ZNF346: variants seen among roughly 807,000 people sequenced by gnomAD.
ZNF346 encodes zinc finger protein 346.
In ZNF346, 23 loss-of-function variants were observed where a neutral mutation model predicts 33.7. That is an observed-to-expected ratio of 0.68 (90% CI 0.49 to 0.97). ZNF346 has a LOEUF of 0.97. Among genes scored for constraint, ZNF346 ranks in the 50% least tolerant of loss-of-function variants. The pLI is 0.00. For missense variants in ZNF346, 340 were observed against 371.1 expected (o/e 0.92, Z 0.69); for synonymous variants, 134 against 142.4 (o/e 0.94, Z 0.42).
At chr5:177,024,198 T>C (rs13190651) in intron 1 of ZNF346, among the ~76,000 whole-genome samples, 1 of 74,510 alleles carries the variant, frequency 1.3e-5, no homozygotes, top group Non-Finnish European at 2.4e-5. Context: ...GGGCCCTCTC[T>C]CCTTTTTTTT....
chr5:177,041,328 C>A, intron 2 of ZNF346, 99 bp downstream of exon 2: 1 of 989,506 alleles, frequency 1.0e-6, no homozygotes, highest in Non-Finnish European at 1.6e-6. Flanking sequence ...TGCTGCTTAG[C>A]CACCCAGATG....
intron 1 of ZNF346, among the ~76,000 whole-genome samples, chr5:177,033,308 G>T (rs946946475): frequency 6.6e-6 from 1 of 152,052 alleles, no homozygotes; most frequent in African/African-American, 2.4e-5. Context: ...CAAACTCCTG[G>T]CATCAAGCAA....
At position 177,077,470 on chromosome 5, in the gene ZNF346, CTT is replaced by C. The variant is rs1321892865; in HGVS notation, c.*3-1911_*3-1910del. On this transcript the variant is annotated intron_variant, in intron 8 of 8. Coordinates refer to the ZNF346 transcript ENST00000503039. The surrounding 1 kb of genome is among the most constrained non-coding windows in gnomAD (Gnocchi z 5.0). ...CGGGTGCACTCCAGCTCTTGGCCCT[CTT>C]GTTTCCTTTATTGCTGTCTTTCACA... Among the ~76,000 whole-genome samples, 1 of 152,174 alleles carries C rather than the reference CTT, an allele frequency of 6.6e-6. No homozygotes were observed. The highest frequency in any genetic ancestry group is 1.5e-5 in the Non-Finnish European group (1 of 68,032).
intron 8 of ZNF346, among the ~76,000 whole-genome samples, chr5:177,079,106 A>T (rs1326437955): frequency 2.0e-5 from 3 of 151,994 alleles, no homozygotes; most frequent in African/African-American, 7.3e-5. Flanking sequence ...CTCCGTCTCT[A>T]CTAAAAATAC....
At chr5:177,059,336 C>A (rs1362118649) in intron 5 of ZNF346, among the ~76,000 whole-genome samples, 3 of 152,190 alleles carry the variant, frequency 2.0e-5, no homozygotes, top group African/African-American at 7.2e-5. Context: ...CAATGTAGTT[C>A]TGTGTTGGAT....
At chr5:177,046,520 T>G (rs1780068167) in intron 4 of ZNF346, among the ~76,000 whole-genome samples, 1 of 152,206 alleles carries the variant, frequency 6.6e-6, no homozygotes, top group East Asian at 1.9e-4. Context: ...ATTTTACAGC[T>G]TAAGCACATT....
Position 177,041,836 on chromosome 5 carries a change from T to C in ZNF346, c.338T>C (p.Leu113Ser). 6.2e-7 allele frequency: 1 copy of C among 1,613,368 alleles called. No homozygotes were observed. The highest frequency in any genetic ancestry group is 8.5e-7 in the Non-Finnish European group (1 of 1,179,518). Residue 113 changes from leucine (L) to serine (S), a missense_variant, in exon 3 of 7, where the codon TTA (leucine) becomes TCA (serine). Coordinates refer to ENST00000358149, the MANE Select transcript of ZNF346 (RefSeq NM_012279.4). Reference sequence around the variant, plus strand: ...CTAGCAATCCATGGAATGGAGACATTAAAGGGGGAAACGAAGAAGCTAGAC... The same window carrying C: ...CTAGCAATCCATGGAATGGAGACATCAAAGGGGGAAACGAAGAAGCTAGAC... The part of the protein sequence containing the change: ...RYLAIHGMET[L>S]KGETKKLDSD...
At position 177,051,934 on chromosome 5, in the gene ZNF346, T is replaced by TAGG. The variant is rs1249533152; in HGVS notation, c.703+1003_703+1005dup. ...ATCCAAACACTTTGGGATGCCAAGG[T>TAGG]AGGAGGATCACTTGAGCCTAAGAGT... On this transcript the variant is annotated intron_variant, in intron 5 of 6. Coordinates refer to ENST00000358149, the MANE Select transcript of ZNF346 (RefSeq NM_012279.4). 5.3e-5 allele frequency: 8 copies of TAGG among 152,196 alleles called. No individual in the cohort carries two copies. The East Asian group carries it at 1.5e-3, about 29-fold the overall frequency. 9.4% of individuals were successfully genotyped at this position (152,196 alleles called of 1,614,324 possible).
intron 2 of ZNF346, 38 bp downstream of exon 2, chr5:177,041,267 G>A: frequency 3.3e-6 from 5 of 1,527,180 alleles, no homozygotes; most frequent in Non-Finnish European, 4.5e-6. Context: ...TTTCTTTTCA[G>A]ACCTGGTGCC....
At chr5:177,035,674 C>T (rs1280615699) in intron 1 of ZNF346, among the ~76,000 whole-genome samples, 3 of 138,350 alleles carry the variant, frequency 2.2e-5, no homozygotes, top group African/African-American at 8.0e-5. Flanking sequence ...TTCACTGTGT[C>T]GCGCAGGCTG....
chr5:177,064,786 G>C lies in ZNF346; in HGVS notation c.*187G>C, dbSNP rs1047684627. On this transcript the variant is annotated 3_prime_UTR_variant, in exon 7 of 7. Coordinates refer to ENST00000358149, the MANE Select transcript of ZNF346 (RefSeq NM_012279.4). ...ACTCCTGCTGCTCCCCTTTGGCAGG[G>C]GTCCTGTAGGTCATGACAGGGGAGG... 8.4e-6 allele frequency: 5 copies of C among 594,976 alleles called. No homozygotes were observed. The highest frequency in any genetic ancestry group is 1.2e-5 in the Non-Finnish European group (4 of 332,592). 36.9% of individuals were successfully genotyped at this position (594,976 alleles called of 1,614,324 possible).
chr5:177,050,804 C>T lies in ZNF346; in HGVS notation c.571C>T (p.His191Tyr). The part of the protein sequence containing the change: ...IDPDKFCSLC[H>Y]ATFNDPVMAQ... ...CCCAGACAAGTTCTGCAGCCTCTGC[C>T]ATGCAACTTTCAACGACCCTGTCAT... The change falls in exon 5 of 7, where the codon CAT becomes TAT. Residue 191 changes from histidine (H) to tyrosine (Y), a missense_variant. His to Tyr is a moderately conservative substitution (Grantham distance 83). Coordinates refer to ENST00000358149, the MANE Select transcript of ZNF346 (RefSeq NM_012279.4). 1 of 1,614,130 alleles carries T rather than the reference C, an allele frequency of 6.2e-7. No individual in the cohort carries two copies. Among genetic ancestry groups the T allele is most frequent in the Non-Finnish European group, 8.5e-7 (1 of 1,179,970 alleles).
intron 1 of ZNF346, among the ~76,000 whole-genome samples, chr5:177,028,530 A>G (rs1487352523): frequency 3.4e-5 from 4 of 117,798 alleles, no homozygotes; most frequent in African/African-American, 1.2e-4. Context: ...ATTTCCCTCC[A>G]TAGTTCCTGG....
At position 177,077,760 on chromosome 5, in the gene ZNF346, C is replaced by G. The variant is rs1200431643; in HGVS notation, c.*3-1622C>G. Among the ~76,000 whole-genome samples the G allele has an allele frequency of 6.6e-6, 1 of 152,098 alleles. No individual in the cohort carries two copies. Among genetic ancestry groups the G allele is most frequent in the African/African-American group, 2.4e-5 (1 of 41,412 alleles). On this transcript the variant is annotated intron_variant, in intron 8 of 8. Transcript: ENST00000503039. The surrounding 1 kb of genome is among the most constrained non-coding windows in gnomAD (Gnocchi z 5.0). ...CCGTGGACTGCTAGTAGGGGAGGAC[C>G]ACGACATCAAGAAAAGTTTGAGGGG...
intron 8 of ZNF346, among the ~76,000 whole-genome samples, chr5:177,078,495 G>A (rs1783855191): frequency 6.6e-6 from 1 of 152,210 alleles, no homozygotes; most frequent in Non-Finnish European, 1.5e-5. Context: ...AGTTAAGGGT[G>A]AGGAGTGGCA....
chr5:177,044,590 C>T (rs149307), intron 4 of ZNF346, 57 bp downstream of exon 4: 799,868 of 1,583,592 alleles, frequency 0.51, 206,410 homozygotes, highest in African/African-American at 0.81. Context: ...CAGGGCACTA[C>T]TGCCAGGGGC....
At chr5:177,046,908 G>GT (rs1427473325) in intron 4 of ZNF346, among the ~76,000 whole-genome samples, 6 of 148,530 alleles carry the variant, frequency 4.0e-5, no homozygotes, top group Non-Finnish European at 7.4e-5. Flanking sequence ...AAAGAAGAAA[G>GT]TAAAATATCA....
chr5:177,044,220 G>A, intron 3 of ZNF346, 169 bp from the exon 4 acceptor site: 1 of 679,930 alleles, frequency 1.5e-6, no homozygotes, highest in Non-Finnish European at 2.5e-6. Context: ...GTGGGGGATG[G>A]TGAGTAGAGT....
intron 1 of ZNF346, among the ~76,000 whole-genome samples, chr5:177,028,522 T>TATATATATATATATATATC (rs1777191865): frequency 4.3e-5 from 1 of 23,108 alleles, no homozygotes; most frequent in African/African-American, 2.6e-4. Flanking sequence ...ATATATATAT[T>TATATATATATATATATATC]TCCCTCCATA....
Sources: allele counts gnomAD v4.1 joint callset (sites outside exome capture counted in the v4.1 genomes callset), GRCh38; gene constraint gnomAD v4.1.1; non-coding constraint Gnocchi (gnomAD v3.1); transcripts MANE v1.5; gene names NCBI Gene and HGNC (gene_info 2026-07-23, HGNC 2026-07-21).